Variants in ZNF658 observed in about 807,000 individuals in gnomAD.
ZNF658 encodes the protein zinc finger protein 658.
In ZNF658, 46 loss-of-function variants were observed where a neutral mutation model predicts 78.0. The ratio of observed to expected loss-of-function variants is 0.59; its 90% CI spans 0.47 to 0.75. The LOEUF is 0.75. Ranked by LOEUF, ZNF658 falls within the 30% of genes least tolerant of loss-of-function variation. ZNF658 has a pLI of 0.00. For missense variants in ZNF658, 785 were observed against 1,189.3 expected, an observed-to-expected ratio of 0.66 and a Z score of 5.00; for synonymous variants, 279 against 408.4, an observed-to-expected ratio of 0.68 and a Z score of 3.82.
Position 66,928,370 on chromosome 9 carries a change from G to A in ZNF658, c.*55-3655G>A, listed in dbSNP as rs188219314. 9.1e-3 allele frequency among the ~76,000 whole-genome samples: 1,379 copies of A among 151,948 alleles called. 27 individuals are homozygous for A. The highest frequency in any genetic ancestry group is 0.032 in the African/African-American group (1,317 of 41,398). On this transcript the variant is annotated intron_variant and NMD_transcript_variant, in intron 6 of 6. Coordinates refer to the ZNF658 transcript ENST00000622180. ...ATTGTTTCTGTTTCTCAGGTAACAT[G>A]ACAGGAAGTTTTGTGGAATCTACAC... is the stretch of plus-strand genomic sequence containing the variant.
At chr9:66,929,870 G>A (rs1438711754) in intron 6 of ZNF658, among the ~76,000 whole-genome samples, 16 of 129,316 alleles carry the variant, frequency 1.2e-4, no homozygotes, top group African/African-American at 4.1e-4. Context: ...TGCAACCTTC[G>A]CCTCCCGGGT....
At chr9:66,906,906 G>A (rs1042330282) in intron 2 of ZNF658, among the ~76,000 whole-genome samples, 10 of 152,018 alleles carry the variant, frequency 6.6e-5, no homozygotes, top group South Asian at 2.1e-4. Context: ...AGTTTTTGCC[G>A]GTTTCTCATT....
chr9:66,902,271 G>A (rs542739723), intron 1 of ZNF658, among the ~76,000 whole-genome samples: 2 of 145,482 alleles, frequency 1.4e-5, no homozygotes, highest in East Asian at 4.0e-4. Flanking sequence ...TACTGCCATA[G>A]AAGAACAGCC....
chr9:66,908,845 A>T (rs367554262), intron 4 of ZNF658, 111 bp downstream of exon 4: 64 of 664,908 alleles, frequency 9.6e-5, no homozygotes, highest in South Asian at 8.0e-4. Flanking sequence ...TCACATGCCT[A>T]CAATTCACTC....
chr9:66,920,487 C>A lies in ZNF658; in HGVS notation c.2921C>A (p.Thr974Lys). 6.3e-7 allele frequency: 1 copy of A among 1,595,274 alleles called. No homozygotes were observed. Among genetic ancestry groups the A allele is most frequent in the Non-Finnish European group, 8.5e-7 (1 of 1,174,988 alleles). ...TATGAATGTAATGATTGTGGGAAAA[C>A]GTTCTCCCAGAAATCACACCTTAGT... is the stretch of plus-strand genomic sequence containing the variant. Reference protein sequence around the residue: ...KSYECNDCGKTFSQKSHLSAH... With the variant: ...KSYECNDCGKKFSQKSHLSAH... Residue 974 changes from threonine to lysine, a missense_variant, in exon 5 of 5, where the codon ACG becomes AAG. By Grantham distance (78) the Thr-to-Lys change is moderately conservative. Transcript: ENST00000621410.
chr9:66,925,464 A>G (rs1355457545), downstream of ZNF658, among the ~76,000 whole-genome samples: 14 of 151,870 alleles, frequency 9.2e-5, no homozygotes, highest in Non-Finnish European at 1.5e-5. Context: ...GAGAAAAAAT[A>G]CACCAATAAA....
chr9:66,930,342 C>T (rs1449955974), intron 6 of ZNF658, among the ~76,000 whole-genome samples: 4 of 145,494 alleles, frequency 2.7e-5, no homozygotes, highest in East Asian at 2.0e-4. Context: ...TGCTAGAAAA[C>T]CCTCCACTCA....
Position 66,908,645 on chromosome 9 carries a change from G to T in ZNF658, c.149G>T (p.Cys50Phe), listed in dbSNP as rs375976104. The T allele has an allele frequency of 3.9e-6, 6 of 1,519,120 alleles. No individual in the cohort carries two copies. Among genetic ancestry groups the T allele is most frequent in the Non-Finnish European group, 5.4e-6 (6 of 1,110,050 alleles). The allele number at this position is 1,519,120 out of a possible 1,614,324, so 94.1% of individuals were successfully genotyped here. The change falls in exon 4 of 5, where the codon TGC becomes TTC. Residue 50 changes from cysteine (C) to phenylalanine (F), a missense_variant. Cys to Phe is a radical substitution (Grantham distance 205). This residue lies in a region of ZNF658 where 79 missense variants were observed against 96.5 expected (regional missense o/e 0.82). Coordinates refer to ENST00000621410, the MANE Select transcript of ZNF658 (RefSeq NM_033160.7). ...TCAATTATTTTGTTTACAGGATATT[G>T]CATTACTAAACCTAAGGTGATCTCC... Reference protein sequence around the residue: ...NYSHLISVGYCITKPKVISKL... With the variant: ...NYSHLISVGYFITKPKVISKL...
In ZNF658 at chr9:66,908,384, GGGCTCT is replaced by G; in HGVS notation, c.142+21_142+26del. 1 of 1,613,912 alleles carries G rather than the reference GGGCTCT, an allele frequency of 6.2e-7. No homozygotes were observed. The highest frequency in any genetic ancestry group is 8.5e-7 in the Non-Finnish European group (1 of 1,179,934). On this transcript the variant is annotated intron_variant, in intron 3 of 4. Coordinates refer to ENST00000621410, the MANE Select transcript of ZNF658 (RefSeq NM_033160.7). ...CAGTGGGTGAGCATAGCTTACCATGGGGCTCTCTCGAGAATATATGTCCCTTTTTAA... is the reference window on the plus strand; with the variant it reads ...CAGTGGGTGAGCATAGCTTACCATGGCTCGAGAATATATGTCCCTTTTTAA...
At chr9:66,906,289 G>A (rs1822078190) in intron 2 of ZNF658, among the ~76,000 whole-genome samples, 1 of 150,872 alleles carries the variant, frequency 6.6e-6, no homozygotes, top group African/African-American at 2.5e-5. Flanking sequence ...GACAGTTTAG[G>A]GCCTTCTCAC....
chr9:66,903,879 C>A (rs1376043612), intron 2 of ZNF658, among the ~76,000 whole-genome samples: 1 of 151,370 alleles, frequency 6.6e-6, no homozygotes, highest in Non-Finnish European at 1.5e-5. Context: ...ACTGATTTAT[C>A]ATGGAATATA....
chr9:66,907,636 T>A (rs914068532), intron 2 of ZNF658, among the ~76,000 whole-genome samples: 4 of 152,138 alleles, frequency 2.6e-5, no homozygotes, highest in Non-Finnish European at 4.4e-5. Context: ...AAAAACAAAA[T>A]TTTTTTAAAA....
Position 66,901,232 on chromosome 9 carries a change from C to T in ZNF658, c.-45+396C>T, listed in dbSNP as rs565647132. Among the ~76,000 whole-genome samples the T allele has an allele frequency of 7.4e-3, 1,119 of 152,078 alleles. 15 individuals are homozygous for T. Among genetic ancestry groups the T allele is most frequent in the Non-Finnish European group, 0.01 (694 of 67,968 alleles). On this transcript the variant is annotated intron_variant, in intron 1 of 4. Coordinates refer to ENST00000621410, the MANE Select transcript of ZNF658 (RefSeq NM_033160.7). ...CTCATCGTTTGGTATTTCACCTGACCCTCACAACGACCTCTTTGGTATAAA... is the reference window on the plus strand; with the variant it reads ...CTCATCGTTTGGTATTTCACCTGACTCTCACAACGACCTCTTTGGTATAAA...
chr9:66,906,862 G>A (rs547782078), intron 2 of ZNF658, among the ~76,000 whole-genome samples: 152 of 151,920 alleles, frequency 1.0e-3, no homozygotes, highest in African/African-American at 3.5e-3. Flanking sequence ...TAAGCCTTTG[G>A]TAGCTTCTAG....
Position 66,913,241 on chromosome 9 carries a change from G to T in ZNF658, c.238+4507G>T, listed in dbSNP as rs1434994458. ...GGAATTCAAGACCAGCCTGACCAAC[G>T]TTGCAAAACCCCATCTCTACCAAAA... On this transcript the variant is annotated intron_variant, in intron 4 of 4. Coordinates refer to ENST00000621410, the MANE Select transcript of ZNF658 (RefSeq NM_033160.7). 2.6e-5 allele frequency among the ~76,000 whole-genome samples: 4 copies of T among 151,046 alleles called. No homozygotes were observed. In the South Asian group the frequency reaches 6.3e-4, roughly 24 times the overall value.
At chr9:66,905,202 A>C (rs1307844737) in intron 2 of ZNF658, among the ~76,000 whole-genome samples, 1 of 147,594 alleles carries the variant, frequency 6.8e-6, no homozygotes, top group Non-Finnish European at 1.5e-5. Flanking sequence ...CAGCCTCCTA[A>C]GTAGCTGGGA....
Position 66,920,088 on chromosome 9 carries a change from T to G in ZNF658, c.2522T>G (p.Leu841Arg). 6.2e-7 allele frequency: 1 copy of G among 1,613,004 alleles called. No individual in the cohort carries two copies. The highest frequency in any genetic ancestry group is 1.1e-5 in the South Asian group (1 of 91,024). ...CGKTFSQRTHLCAHQRIHTGE... is the reference protein window; with the variant it reads ...CGKTFSQRTHRCAHQRIHTGE... ...AAAACTTTCTCCCAAAGAACACACC[T>G]CTGTGCACATCAGAGAATTCATACT... Residue 841 changes from leucine to arginine, a missense_variant, in exon 5 of 5, where the codon CTC (leucine) becomes CGC (arginine). Transcript: ENST00000621410.
rs1313477811 is a variant in ZNF658 at position 66,917,750 on chromosome 9, C to T, written c.239-55C>T. On this transcript the variant is annotated intron_variant, in intron 4 of 4. Transcript: ENST00000621410. ...CAAAATCAAAATATGAGTATAAGTT[C>T]TTCTCCATGAGAAATGTAAGATTTA... 9.7e-6 allele frequency: 14 copies of T among 1,440,606 alleles called. 1 individual carries two copies. Among genetic ancestry groups the T allele is most frequent in the Non-Finnish European group, 1.8e-6 (2 of 1,087,558 alleles). The allele number at this position is 1,440,606 out of a possible 1,614,324, so 89.2% of individuals were successfully genotyped here.
At chr9:66,903,844 T>C (rs1822009814) in intron 2 of ZNF658, among the ~76,000 whole-genome samples, 1 of 152,014 alleles carries the variant, frequency 6.6e-6, no homozygotes, top group African/African-American at 2.4e-5. Flanking sequence ...CTTAAAGGTT[T>C]ACATTGATGA....
Sources: allele counts gnomAD v4.1 joint callset (sites outside exome capture counted in the v4.1 genomes callset), GRCh38; gene constraint gnomAD v4.1.1; regional missense constraint gnomAD v4.1.1; transcripts MANE v1.5; gene names NCBI Gene and HGNC (gene_info 2026-07-23, HGNC 2026-07-21).